SLC22A15: variants seen among roughly 807,000 people sequenced by gnomAD.
The protein encoded by SLC22A15 is solute carrier family 22 member 15, also known as flipt 1.
A neutral mutation model predicts 62.7 loss-of-function variants in SLC22A15; 45 were observed. That is an observed-to-expected ratio of 0.72 (90% CI 0.56 to 0.92). SLC22A15 has a LOEUF of 0.92. Ranked by LOEUF, SLC22A15 falls within the 40% of genes least tolerant of loss-of-function variation. The pLI is 0.00. For synonymous variants in SLC22A15, 264 were observed against 267.0 expected (o/e 0.99, Z 0.11); for missense variants, 622 against 665.6 (o/e 0.93, Z 0.72).
intron 8 of SLC22A15, among the ~76,000 whole-genome samples, chr1:116,056,655 A>G (rs1435910296): frequency 2.0e-5 from 3 of 152,110 alleles, no homozygotes; most frequent in East Asian, 1.9e-4. Flanking sequence ...ACTTCAAACT[A>G]TACTACAAGG....
intron 1 of SLC22A15, among the ~76,000 whole-genome samples, chr1:115,984,442 AC>A (rs1288367142): frequency 1.3e-5 from 2 of 152,106 alleles, no homozygotes; most frequent in Non-Finnish European, 2.9e-5. Context: ...ATCACAATCC[AC>A]CTTGTATTTA....
At position 116,047,938 on chromosome 1, in the gene SLC22A15, C is replaced by T. The variant is rs560596907; in HGVS notation, c.1171+10550C>T. On this transcript the variant is annotated intron_variant, in intron 8 of 11. Transcript: ENST00000369503. ...CACACTTATAGAAATGCAAAATGCT[C>T]GGGAAAGTCTCAGCTATAGAATTGA... 2.0e-3 allele frequency among the ~76,000 whole-genome samples: 299 copies of T among 152,006 alleles called. 1 individual carries two copies. Among genetic ancestry groups the T allele is most frequent in the African/African-American group, 5.7e-3 (236 of 41,466 alleles).
chr1:116,044,086 G>T (rs190855115), intron 8 of SLC22A15, among the ~76,000 whole-genome samples: 12 of 152,056 alleles, frequency 7.9e-5, no homozygotes, highest in African/African-American at 2.2e-4. Context: ...TAACTCTCCC[G>T]GCTTAGCCTC....
At chr1:116,009,637 C>T (rs2042791501) in intron 2 of SLC22A15, among the ~76,000 whole-genome samples, 1 of 152,174 alleles carries the variant, frequency 6.6e-6, no homozygotes, top group African/African-American at 2.4e-5. Flanking sequence ...CTAAAACCTC[C>T]ACTTAATTTC....
At chr1:115,988,958 T>C (rs998651356) in intron 1 of SLC22A15, among the ~76,000 whole-genome samples, 6 of 152,140 alleles carry the variant, frequency 3.9e-5, no homozygotes, top group African/African-American at 1.4e-4. Flanking sequence ...GGCTCCCTTA[T>C]GGTTAGCAAA....
intron 6 of SLC22A15, 144 bp downstream of exon 6, chr1:116,031,725 C>A (rs1220075132): frequency 4.1e-6 from 6 of 1,450,600 alleles, no homozygotes; most frequent in Non-Finnish European, 9.0e-7. Flanking sequence ...GTCTCCTGAT[C>A]CTTAGCGCCT....
chr1:116,015,570 T>G (rs1656482119), intron 2 of SLC22A15, among the ~76,000 whole-genome samples: 1 of 152,206 alleles, frequency 6.6e-6, no homozygotes, highest in Admixed American at 6.5e-5. Context: ...TATGGAGTTT[T>G]CAAATTAGCC....
chr1:116,049,968 C>T (rs1200738714), intron 8 of SLC22A15, among the ~76,000 whole-genome samples: 1 of 152,038 alleles, frequency 6.6e-6, no homozygotes, highest in Non-Finnish European at 1.5e-5. Context: ...CTATGAACAC[C>T]TTCACACACA....
Position 115,986,799 on chromosome 1 carries a change from A to T in SLC22A15, c.88-5232A>T, listed in dbSNP as rs534765713. 7.4e-4 allele frequency among the ~76,000 whole-genome samples: 113 copies of T among 152,362 alleles called. 1 individual carries two copies. The highest frequency in any genetic ancestry group is 9.1e-4 in the Admixed American group (14 of 15,302). ...TCACTGTTGACTATGGAGGAATCCC[A>T]CTTGACACTGAAGATGGGTTAATAT... is the stretch of plus-strand genomic sequence containing the variant. On this transcript the variant is annotated intron_variant, in intron 1 of 11. Transcript: ENST00000369503.
chr1:116,035,217 A>C lies in SLC22A15; in HGVS notation c.975A>C (p.Leu325=). ...WFVCSLVYYG[L]TLSAGDLGGS... Reference sequence around the variant, plus strand: ...TGTGCAGCTTGGTGTATTATGGCCTAACTCTGAGTGCGGGTGATCTAGGTG... The same window carrying C: ...TGTGCAGCTTGGTGTATTATGGCCTCACTCTGAGTGCGGGTGATCTAGGTG... The change falls in exon 7 of 12, where the codon CTA becomes CTC. Residue 325 remains leucine, a synonymous_variant. Transcript: ENST00000369503. 1 of 1,613,164 alleles carries C rather than the reference A, an allele frequency of 6.2e-7. No individual in the cohort carries two copies.
chr1:116,063,087 T>A (rs920810949), intron 9 of SLC22A15, among the ~76,000 whole-genome samples: 1 of 152,240 alleles, frequency 6.6e-6, no homozygotes, highest in Admixed American at 6.5e-5. Flanking sequence ...TATGGTGGAC[T>A]GAATTCCTTA....
At chr1:116,014,758 A>T (rs1656442356) in intron 2 of SLC22A15, among the ~76,000 whole-genome samples, 1 of 152,216 alleles carries the variant, frequency 6.6e-6, no homozygotes, top group African/African-American at 2.4e-5. Context: ...AAAGACTCAT[A>T]AAAAACACAT....
chr1:116,044,527 A>G (rs1657877440), intron 8 of SLC22A15, among the ~76,000 whole-genome samples: 1 of 152,228 alleles, frequency 6.6e-6, no homozygotes, highest in Non-Finnish European at 1.5e-5. Context: ...ATTGTACAAA[A>G]AGTACTAGTG....
chr1:116,050,315 C>T (rs1658017276), intron 8 of SLC22A15, among the ~76,000 whole-genome samples: 1 of 152,108 alleles, frequency 6.6e-6, no homozygotes, highest in Non-Finnish European at 1.5e-5. Context: ...AGACTGATAT[C>T]CTTGATGAAC....
intron 8 of SLC22A15, among the ~76,000 whole-genome samples, chr1:116,046,962 G>A (rs546305611): frequency 3.0e-4 from 46 of 152,156 alleles, no homozygotes; most frequent in African/African-American, 9.6e-4. Flanking sequence ...GACCTGACCC[G>A]ACCTGACAGC....
At chr1:116,058,996 G>A (rs1279872265) in intron 8 of SLC22A15, among the ~76,000 whole-genome samples, 1 of 152,098 alleles carries the variant, frequency 6.6e-6, no homozygotes, top group Admixed American at 6.6e-5. Context: ...ACTACAAATA[G>A]GGTGCACTGT....
rs552602518 is a variant in SLC22A15 at position 115,992,077 on chromosome 1, C to T, written c.134C>T (p.Thr45Met). The change falls in exon 2 of 12, where the codon ACG becomes ATG. Residue 45 changes from threonine to methionine, a missense_variant. Physicochemically the swap from Thr to Met is moderately conservative, Grantham distance 81. Coordinates refer to ENST00000369503, the MANE Select transcript of SLC22A15 (RefSeq NM_018420.3). ...EAILIALVGA[T>M]PSYHWDLAEL... Reference sequence around the variant, plus strand: ...ATCCTCATTGCACTGGTTGGGGCCACGCCATCCTACCACTGGGACCTGGCA... The same window carrying T: ...ATCCTCATTGCACTGGTTGGGGCCATGCCATCCTACCACTGGGACCTGGCA... The T allele has an allele frequency of 6.2e-6, 10 of 1,613,930 alleles. No homozygotes were observed. Among genetic ancestry groups the T allele is most frequent in the Admixed American group, 3.3e-5 (2 of 60,030 alleles).
intron 8 of SLC22A15, among the ~76,000 whole-genome samples, chr1:116,054,110 A>C (rs1658133892): frequency 6.6e-6 from 1 of 152,186 alleles, no homozygotes; most frequent in Non-Finnish European, 1.5e-5. Flanking sequence ...ACAGACTGGC[A>C]AATTGGATAA....
chr1:116,060,502 G>T (rs1156613567), intron 8 of SLC22A15, among the ~76,000 whole-genome samples: 2 of 152,182 alleles, frequency 1.3e-5, no homozygotes. Flanking sequence ...AGATTTCAAG[G>T]ATGGCAGTTC....
Sources: allele counts gnomAD v4.1 joint callset (sites outside exome capture counted in the v4.1 genomes callset), GRCh38; gene constraint gnomAD v4.1.1; transcripts MANE v1.5; gene names NCBI Gene and HGNC (gene_info 2026-07-23, HGNC 2026-07-21).